Variants in ENOSF1 observed in about 807,000 individuals in gnomAD.
ENOSF1 encodes mitochondrial enolase superfamily member 1.
ENOSF1 carries 73 observed loss-of-function variants against 68.2 expected under a neutral mutation model. The ratio of observed to expected loss-of-function variants is 1.07; its 90% CI spans 0.89 to 1.30. The LOEUF (loss-of-function observed/expected upper bound fraction) is 1.30. Ranked by LOEUF, ENOSF1 falls within the 50% of genes most tolerant of loss-of-function variation. The probability of loss-of-function intolerance (pLI) is 0.00; values close to 1 mark genes in which losing one functional copy is unlikely to be tolerated. For missense variants in ENOSF1, 589 were observed against 554.5 expected (o/e 1.06, Z -0.62); for synonymous variants, 223 against 210.4 (o/e 1.06, Z -0.52).
intron 11 of ENOSF1, among the ~76,000 whole-genome samples, chr18:681,582 A>G (rs1295722825): frequency 6.6e-6 from 1 of 152,190 alleles, no homozygotes; most frequent in African/African-American, 2.4e-5. Flanking sequence ...TTGTGGAATG[A>G]TTCCTCAGAA....
rs2075135751 is a variant in ENOSF1 at position 672,975 on chromosome 18, T to C, written c.*1330A>G. 2 of 1,574,282 alleles carry C rather than the reference T, an allele frequency of 1.3e-6. No individual in the cohort carries two copies. ...GAAGGGTACAATCCGCATCCAACTATTAAAATGGAAATGGCTGTTTAGGGT... is the reference window on the plus strand; with the variant it reads ...GAAGGGTACAATCCGCATCCAACTACTAAAATGGAAATGGCTGTTTAGGGT... On this transcript the variant is annotated 3_prime_UTR_variant, in exon 16 of 16. Transcript: ENST00000647584.
At chr18:686,674 T>A (rs1318526110) in intron 9 of ENOSF1, 1 of 152,254 alleles carries the variant, frequency 6.6e-6, no homozygotes, top group Non-Finnish European at 1.5e-5. Flanking sequence ...ATGACTCTGC[T>A]GTCAGAAGAG....
Position 676,321 on chromosome 18 carries a change from T to G in ENOSF1, c.1149-919A>C, listed in dbSNP as rs142429425. Among the ~76,000 whole-genome samples the G allele has an allele frequency of 6.5e-3, 985 of 152,348 alleles. 2 individuals carry two copies. The highest frequency in any genetic ancestry group is 0.01 in the Middle Eastern group (3 of 294). On this transcript the variant is annotated intron_variant, in intron 14 of 15. Transcript: ENST00000647584. ...CATGTTGAACTGTAATCCCCAGTGT[T>G]GGCAGCAGGGCCTGCTGGGAGGTGA...
In ENOSF1 at chr18:691,245, A is replaced by T. The variant is rs778257743; in HGVS notation, c.455T>A (p.Phe152Tyr). 6.2e-7 allele frequency: 1 copy of T among 1,614,106 alleles called. No homozygotes were observed. Among genetic ancestry groups the T allele is most frequent in the Non-Finnish European group, 8.5e-7 (1 of 1,180,032 alleles). Residue 152 changes from phenylalanine to tyrosine, a missense_variant, in exon 6 of 16, where the codon TTC becomes TAC. Transcript: ENST00000647584. ...AGTCAGGACATCAGTGATGTACCTG[A>T]AATCTATGCAGGATACCAGCATCCT... Reference protein sequence around the residue: ...DPRMLVSCIDFRYITDVLTEE... With the variant: ...DPRMLVSCIDYRYITDVLTEE...
intron 8 of ENOSF1, among the ~76,000 whole-genome samples, chr18:689,693 C>T (rs188606386): frequency 3.4e-4 from 51 of 152,146 alleles, no homozygotes; most frequent in Admixed American, 8.5e-4. Flanking sequence ...GCCCCCATCG[C>T]TGCCCCCCTA....
chr18:674,434 G>A lies in ENOSF1; in HGVS notation c.1231-28C>T, dbSNP rs2075263561. On this transcript the variant is annotated intron_variant, in intron 15 of 15. Coordinates refer to ENST00000647584, the MANE Select transcript of ENOSF1 (RefSeq NM_017512.7). ...ATCAAAGACCAAAAAAATGAGTCCT[G>A]TTAACAACCACCTGGAACAAAAACA... is the stretch of plus-strand genomic sequence containing the variant. 4.1e-6 allele frequency: 6 copies of A among 1,448,084 alleles called. No individual in the cohort carries two copies. In the East Asian group the frequency reaches 1.1e-4, roughly 28 times the overall value. The allele number at this position is 1,448,084 out of a possible 1,614,324, so 89.7% of individuals were successfully genotyped here.
chr18:707,408 CA>C (rs1289175436), intron 1 of ENOSF1, among the ~76,000 whole-genome samples: 7 of 152,156 alleles, frequency 4.6e-5, no homozygotes, highest in African/African-American at 1.7e-4. Context: ...CAAGCAGCTT[CA>C]AATTGAACAA....
At chr18:675,787 C>T (rs2260821) in intron 14 of ENOSF1, among the ~76,000 whole-genome samples, 115,956 of 152,106 alleles carry the variant, frequency 0.76, 44,530 homozygotes, top group African/African-American at 0.86. Flanking sequence ...TATTTTTTCA[C>T]ATGGCTGCAG....
Position 671,416 on chromosome 18 carries a change from A to AT in ENOSF1, c.*2888dup. 6.2e-7 allele frequency: 1 copy of AT among 1,613,072 alleles called. No homozygotes were observed. Among genetic ancestry groups the AT allele is most frequent in the Non-Finnish European group, 8.5e-7 (1 of 1,179,514 alleles). ...TATACACACTTTGGGAGATGCACATATTTACCTGAATCACATCGAGCCACT... is the reference window on the plus strand; with the variant it reads ...TATACACACTTTGGGAGATGCACATATTTTACCTGAATCACATCGAGCCACT... On this transcript the variant is annotated 3_prime_UTR_variant, in exon 16 of 16. Transcript: ENST00000647584.
intron 5 of ENOSF1, chr18:692,691 G>T: frequency 1.0e-6 from 1 of 990,704 alleles, no homozygotes; most frequent in Non-Finnish European, 1.2e-6. Flanking sequence ...TCCACAGGTG[G>T]GACCTCAGGC....
chr18:675,809 G>C (rs534721244), intron 14 of ENOSF1, among the ~76,000 whole-genome samples: 1 of 130,904 alleles, frequency 7.6e-6, no homozygotes, highest in African/African-American at 3.0e-5. Flanking sequence ...AGCTGCCAGG[G>C]GCTTGGGGTT....
At chr18:678,797 G>C (rs1229522756) in intron 11 of ENOSF1, 60 bp from the exon 12 acceptor site, 1 of 1,557,082 alleles carries the variant, frequency 6.4e-7, no homozygotes, top group Non-Finnish European at 8.9e-7. Context: ...AACTCCTAAT[G>C]TTTAAAAACA....
chr18:706,585 G>A lies in ENOSF1; in HGVS notation c.85-7C>T. 1.2e-6 allele frequency: 2 copies of A among 1,607,564 alleles called. No individual in the cohort carries two copies. The highest frequency in any genetic ancestry group is 1.1e-5 in the South Asian group (1 of 90,928). ...AGTAGTCAGGGTCCGTGTGCTGCAG[G>A]AGAAGAGTTCCCCGCCGAAACAATG... On this transcript the variant is annotated splice_region_variant and splice_polypyrimidine_tract_variant and intron_variant, in intron 1 of 15. Transcript: ENST00000647584.
intron 10 of ENOSF1, 49 bp from the exon 11 acceptor site, chr18:683,429 C>A: frequency 6.2e-7 from 1 of 1,603,976 alleles, no homozygotes; most frequent in Non-Finnish European, 8.5e-7. Flanking sequence ...GCCAACCTCA[C>A]AGCAGGGCTG....
At chr18:703,032 T>A (rs2145366958) in intron 2 of ENOSF1, among the ~76,000 whole-genome samples, 1 of 152,310 alleles carries the variant, frequency 6.6e-6, no homozygotes, top group African/African-American at 2.4e-5. Flanking sequence ...GTAACACATT[T>A]AGTGAGACTG....
rs752192617 is a variant in ENOSF1, at chr18:674,357, T to TG, written c.1279dup (p.Gln427ProfsTer6). 51 of 1,613,200 alleles carry TG rather than the reference T, an allele frequency of 3.2e-5. No individual in the cohort carries two copies. Among genetic ancestry groups the TG allele is most frequent in the Non-Finnish European group, 4.2e-5 (50 of 1,179,730 alleles). ...CTTCCAAACTTCACCATCTGGATAC[T>TG]GGTGTTTCTTTACAGATTCCTCCTT... On this transcript the variant is annotated frameshift_variant, in exon 16 of 16. Coordinates refer to ENST00000647584, the MANE Select transcript of ENOSF1 (RefSeq NM_017512.7). LOFTEE classifies it high-confidence loss of function.
In ENOSF1 at chr18:673,301, G is replaced by T. The variant is rs976533653; in HGVS notation, c.*1004C>A. Reference sequence around the variant, plus strand: ...ACATGTATGTGCATTTCAATCCCACGTACTTATAAAGAAGGTTGGTGAATT... The same window carrying T: ...ACATGTATGTGCATTTCAATCCCACTTACTTATAAAGAAGGTTGGTGAATT... On this transcript the variant is annotated 3_prime_UTR_variant, in exon 16 of 16. Coordinates refer to ENST00000647584, the MANE Select transcript of ENOSF1 (RefSeq NM_017512.7). 4.0e-6 allele frequency: 1 copy of T among 250,242 alleles called. No homozygotes were observed. The highest frequency in any genetic ancestry group is 7.7e-6 in the Non-Finnish European group (1 of 130,220). 15.5% of individuals were successfully genotyped at this position (250,242 alleles called of 1,614,324 possible). A position where few individuals can be genotyped will look rare whatever the true frequency, so the allele number is the denominator to read the frequency against.
chr18:705,994 G>C (rs970203709), intron 2 of ENOSF1, among the ~76,000 whole-genome samples: 9 of 152,042 alleles, frequency 5.9e-5, no homozygotes, highest in Admixed American at 3.3e-4. Context: ...GGGCGACAGA[G>C]TGAGACTCTG....
chr18:698,783 G>C (rs2078013264), intron 2 of ENOSF1, among the ~76,000 whole-genome samples: 1 of 151,980 alleles, frequency 6.6e-6, no homozygotes, highest in South Asian at 2.1e-4. Context: ...GCCATGCCCA[G>C]CTAATTTCTT....
Sources: allele counts gnomAD v4.1 joint callset (sites outside exome capture counted in the v4.1 genomes callset), GRCh38; gene constraint gnomAD v4.1.1; transcripts MANE v1.5; gene names NCBI Gene and HGNC (gene_info 2026-07-23, HGNC 2026-07-21).